Variants in ROBO1 observed in about 807,000 individuals in gnomAD.
The protein encoded by ROBO1 is roundabout homolog 1.
In ROBO1, 149 loss-of-function variants were observed where a neutral mutation model predicts 195.9. That is an observed-to-expected ratio of 0.76 (90% confidence interval 0.67 to 0.87). The LOEUF (loss-of-function observed/expected upper bound fraction) is 0.87. Among genes scored for constraint, ROBO1 ranks in the 40% least tolerant of loss-of-function variants. ROBO1 has a pLI of 0.00. For synonymous variants in ROBO1, 816 were observed against 733.2 expected (o/e 1.11, Z -1.82); for missense variants, 1,933 against 2,068.3 (o/e 0.93, Z 1.27).
intron 2 of ROBO1, among the ~76,000 whole-genome samples, chr3:79,431,191 G>T (rs2038661719): frequency 6.6e-6 from 1 of 152,250 alleles, no homozygotes; most frequent in East Asian, 1.9e-4. Context: ...TAGAGACAGA[G>T]CACCAGTTTC....
At chr3:79,644,216 T>C (rs535703659) in intron 1 of ROBO1, among the ~76,000 whole-genome samples, 9 of 152,156 alleles carry the variant, frequency 5.9e-5, no homozygotes, top group Admixed American at 5.9e-4. Flanking sequence ...AAGCAAACAT[T>C]AATAGATATA....
At chr3:79,498,601 C>T (rs977532386) in intron 2 of ROBO1, among the ~76,000 whole-genome samples, 1 of 152,114 alleles carries the variant, frequency 6.6e-6, no homozygotes, top group South Asian at 2.1e-4. Context: ...CGCCTGTAAT[C>T]CCAGCACTTT....
intron 4 of ROBO1, chr3:78,938,384 T>C (rs2039934922): frequency 2.1e-6 from 1 of 474,192 alleles, no homozygotes. Context: ...AAAGTCAAAT[T>C]GTTAACCAAC....
intron 4 of ROBO1, among the ~76,000 whole-genome samples, chr3:78,751,086 C>T (rs2082782525): frequency 6.6e-6 from 1 of 152,112 alleles, no homozygotes; most frequent in Non-Finnish European, 1.5e-5. Context: ...ACAGTCTCAC[C>T]ACTATCCAAT....
chr3:78,655,394 A>G (rs1049361569), intron 18 of ROBO1, among the ~76,000 whole-genome samples: 2 of 152,112 alleles, frequency 1.3e-5, no homozygotes, highest in Non-Finnish European at 2.9e-5. Flanking sequence ...CTAGACCTGT[A>G]CCACTGAACA....
intron 2 of ROBO1, among the ~76,000 whole-genome samples, chr3:79,500,005 A>G (rs1939971040): frequency 1.3e-5 from 2 of 150,450 alleles, no homozygotes. Flanking sequence ...ATGGGGTTAC[A>G]CCGTATTAGT....
At chr3:79,426,647 C>G (rs982912087) in intron 2 of ROBO1, among the ~76,000 whole-genome samples, 1 of 152,148 alleles carries the variant, frequency 6.6e-6, no homozygotes, top group African/African-American at 2.4e-5. Context: ...GGATTACAGG[C>G]GTAAGCCACC....
chr3:79,740,946 T>C (rs2107420734), intron 1 of ROBO1, among the ~76,000 whole-genome samples: 1 of 152,306 alleles, frequency 6.6e-6, no homozygotes, highest in Non-Finnish European at 1.5e-5. Context: ...TAAAAAATAG[T>C]TGTGAAATAC....
chr3:78,836,505 C>CT (rs1226080236), intron 4 of ROBO1, among the ~76,000 whole-genome samples: 2 of 38,784 alleles, frequency 5.2e-5, no homozygotes, highest in Non-Finnish European at 9.8e-5. Flanking sequence ...GAGCGAGACT[C>CT]TGTCTCCAAA....
intron 4 of ROBO1, among the ~76,000 whole-genome samples, chr3:78,780,071 CAG>C (rs2083628309): frequency 1.3e-5 from 2 of 152,116 alleles, no homozygotes; most frequent in African/African-American, 4.8e-5. Context: ...CACATGGACA[CAG>C]GGAGAGGAAC....
At chr3:79,189,728 A>C (rs2081504275) in intron 2 of ROBO1, among the ~76,000 whole-genome samples, 1 of 151,820 alleles carries the variant, frequency 6.6e-6, no homozygotes. Context: ...TAAGAAAAGT[A>C]ATATAGTACA....
intron 1 of ROBO1, among the ~76,000 whole-genome samples, chr3:79,631,726 A>G (rs982020905): frequency 6.6e-6 from 1 of 152,064 alleles, no homozygotes; most frequent in African/African-American, 2.4e-5. Context: ...AAATATTTGC[A>G]AACTATGCAT....
chr3:79,154,732 T>C (rs1361085047), intron 2 of ROBO1, among the ~76,000 whole-genome samples: 1 of 151,808 alleles, frequency 6.6e-6, no homozygotes, highest in South Asian at 2.1e-4. Flanking sequence ...AGTTTTAAAA[T>C]AACATACTAC....
chr3:79,540,944 T>C (rs1169099650), intron 2 of ROBO1, among the ~76,000 whole-genome samples: 1 of 152,112 alleles, frequency 6.6e-6, no homozygotes, highest in African/African-American at 2.4e-5. Context: ...TTTTGCAAAA[T>C]AATGCACATG....
chr3:79,620,633 T>C, intron 1 of ROBO1, among the ~76,000 whole-genome samples: 1 of 151,996 alleles, frequency 6.6e-6, no homozygotes. Context: ...CCACACCTCA[T>C]TGCCACCCTT....
chr3:78,622,651 C>T (rs896668629), intron 26 of ROBO1, among the ~76,000 whole-genome samples: 48 of 152,170 alleles, frequency 3.2e-4, no homozygotes, highest in African/African-American at 1.1e-3. Context: ...TCAACACTCT[C>T]GAATCTGGAT....
At chr3:78,835,669 A>G (rs922045970) in intron 4 of ROBO1, among the ~76,000 whole-genome samples, 1 of 152,204 alleles carries the variant, frequency 6.6e-6, no homozygotes, top group African/African-American at 2.4e-5. Context: ...TATGAATTAT[A>G]AATTCTTACA....
intron 4 of ROBO1, among the ~76,000 whole-genome samples, chr3:78,904,260 T>C (rs1177315908): frequency 2.0e-5 from 3 of 152,070 alleles, no homozygotes; most frequent in Non-Finnish European, 2.9e-5. Flanking sequence ...ATCCATTCAG[T>C]AGGTTGAAGT....
At chr3:78,650,474 T>G (rs558506604) in intron 19 of ROBO1, among the ~76,000 whole-genome samples, 32 of 152,356 alleles carry the variant, frequency 2.1e-4, no homozygotes, top group African/African-American at 7.7e-4. Context: ...TGACTCTTGC[T>G]AAGTCCCCTT....
Sources: gnomAD v4.1 joint callset for allele counts (sites outside exome capture counted in the v4.1 genomes callset) on GRCh38, gnomAD v4.1.1 for gene constraint, MANE v1.5 for transcripts, NCBI Gene and HGNC (gene_info 2026-07-23, HGNC 2026-07-21) for gene names.